The following ERG variants were observed in gnomAD, a reference collection of about 807,000 sequenced individuals.
ERG encodes ETS transcription factor ERG.
A neutral mutation model predicts 55.3 loss-of-function variants in ERG; 9 were observed. The ratio of observed to expected loss-of-function variants is 0.16; its 90% CI spans 0.10 to 0.28. The LOEUF is 0.28. Among genes scored for constraint, ERG ranks in the 10% least tolerant of loss-of-function variants. ERG has a pLI of 1.00. For missense variants in ERG, 434 were observed against 631.6 expected, an observed-to-expected ratio of 0.69 and a Z score of 3.35; for synonymous variants, 223 against 237.3, an observed-to-expected ratio of 0.94 and a Z score of 0.55.
At chr21:38,609,090 A>G (rs928567476) in intron 1 of ERG, among the ~76,000 whole-genome samples, 2 of 152,232 alleles carry the variant, frequency 1.3e-5, no homozygotes, top group African/African-American at 4.8e-5. Flanking sequence ...AGATTTTATT[A>G]GACCAGATCA....
intron 1 of ERG, among the ~76,000 whole-genome samples, chr21:38,488,213 C>G (rs895209480): frequency 6.6e-6 from 1 of 152,110 alleles, no homozygotes; most frequent in Non-Finnish European, 1.5e-5. Flanking sequence ...ATTTTCTGAT[C>G]GCCAAAGGGG....
intron 1 of ERG, among the ~76,000 whole-genome samples, chr21:38,658,001 T>C (rs1266003884): frequency 6.6e-6 from 1 of 152,234 alleles, no homozygotes; most frequent in African/African-American, 2.4e-5. Flanking sequence ...TACATCAGCC[T>C]ATTTTTCTTA....
intron 2 of ERG, among the ~76,000 whole-genome samples, chr21:38,567,684 A>C (rs1290708652): frequency 2.0e-5 from 3 of 152,234 alleles, no homozygotes; most frequent in Non-Finnish European, 4.4e-5. Flanking sequence ...ACTGTGAGAA[A>C]TGCTTACAAC....
intron 2 of ERG, among the ~76,000 whole-genome samples, chr21:38,528,608 C>T (rs1285298887): frequency 3.2e-5 from 3 of 94,770 alleles, no homozygotes; most frequent in East Asian, 4.4e-4. Context: ...CCACTACGCC[C>T]GGCTAATTTT....
chr21:38,492,270 C>T (rs971604048), intron 1 of ERG, among the ~76,000 whole-genome samples: 1 of 152,190 alleles, frequency 6.6e-6, no homozygotes, highest in South Asian at 2.1e-4. Context: ...GAGTTTAGCA[C>T]AGGACTTGGC....
chr21:38,507,526 C>CTGAATGTG (rs2059472048), intron 2 of ERG, among the ~76,000 whole-genome samples: 1 of 100,600 alleles, frequency 9.9e-6, no homozygotes, highest in African/African-American at 3.7e-5. Context: ...CAAGCACTTA[C>CTGAATGTG]TGAATGAGTG....
At chr21:38,584,343 T>C (rs1180415787) in intron 1 of ERG, among the ~76,000 whole-genome samples, 1 of 152,256 alleles carries the variant, frequency 6.6e-6, no homozygotes. Context: ...TTTTTTGGCA[T>C]GTTTTGTGAA....
intron 2 of ERG, among the ~76,000 whole-genome samples, chr21:38,505,691 T>C (rs2059455496): frequency 2.0e-5 from 3 of 152,346 alleles, no homozygotes; most frequent in South Asian, 4.1e-4. Context: ...CGCGGTTGCC[T>C]GGTGGAGATT....
At chr21:38,417,447 G>C (rs1989328475) in intron 3 of ERG, among the ~76,000 whole-genome samples, 2 of 152,164 alleles carry the variant, frequency 1.3e-5, no homozygotes, top group Non-Finnish European at 2.9e-5. Context: ...AATAGAAGCA[G>C]AGGCATTTGA....
chr21:38,429,764 C>CACAG (rs776061892), intron 2 of ERG, among the ~76,000 whole-genome samples: 6 of 149,192 alleles, frequency 4.0e-5, no homozygotes, highest in Admixed American at 4.0e-4. Flanking sequence ...CACACACACA[C>CACAG]CACATTTTCT....
intron 2 of ERG, among the ~76,000 whole-genome samples, chr21:38,508,320 G>C (rs1016606532): frequency 3.3e-5 from 5 of 151,944 alleles, no homozygotes; most frequent in Non-Finnish European, 5.9e-5. Context: ...TCTCTAAGAA[G>C]CCTCCCAAAT....
Position 38,459,559 on chromosome 21 carries a change from T to G in ERG, c.19-13938A>C, listed in dbSNP as rs74801164. Among the ~76,000 whole-genome samples, 702 of 152,330 alleles carry G rather than the reference T, an allele frequency of 4.6e-3. 6 individuals are homozygous for G. The highest frequency in any genetic ancestry group is 0.016 in the African/African-American group (679 of 41,556). ...CCTGAAGTTAACATTTCTGTACCTA[T>G]GTAGCCATTTTAATCACCCCCTAAA... On this transcript the variant is annotated intron_variant, in intron 1 of 9. Coordinates refer to ENST00000288319, the MANE Select transcript of ERG (RefSeq NM_182918.4).
At position 38,569,175 on chromosome 21, in the gene ERG, C is replaced by A. The variant is rs74363184; in HGVS notation, c.-41+6487G>T. ...TTTTGATCCCTTCTCTCCCTCCCCC[C>A]CCACCCCCAGTGGGGTACATGGAAG... On this transcript the variant is annotated intron_variant, in intron 2 of 8. Coordinates refer to the ERG transcript ENST00000398897. 2.0e-4 allele frequency among the ~76,000 whole-genome samples: 31 copies of A among 152,344 alleles called. No individual in the cohort carries two copies. The East Asian group carries it at 4.4e-3, about 22-fold the overall frequency.
intron 1 of ERG, among the ~76,000 whole-genome samples, chr21:38,458,530 C>G (rs2059011711): frequency 6.6e-6 from 1 of 152,044 alleles, no homozygotes; most frequent in African/African-American, 2.4e-5. Flanking sequence ...AATCTGATGC[C>G]AATTCAGTAT....
Position 38,462,114 on chromosome 21 carries a change from G to C in ERG, c.19-16493C>G, listed in dbSNP as rs560778895. On this transcript the variant is annotated intron_variant, in intron 1 of 9. Coordinates refer to ENST00000288319, the MANE Select transcript of ERG (RefSeq NM_182918.4). The stretch of plus-strand genomic sequence containing the variant: ...TCCTGCCTCAGCCTCCTGAGTAGCT[G>C]GGACTACAGGTACCCGCCACCACGC... 5.9e-5 allele frequency among the ~76,000 whole-genome samples: 9 copies of C among 152,238 alleles called. No individual in the cohort carries two copies. In the East Asian group the frequency reaches 1.7e-3, roughly 29 times the overall value.
chr21:38,656,549 C>A (rs1260515124), intron 1 of ERG, among the ~76,000 whole-genome samples: 1 of 152,102 alleles, frequency 6.6e-6, no homozygotes, highest in African/African-American at 2.4e-5. Context: ...TGTGCACGCT[C>A]CAATTTAGTC....
intron 1 of ERG, among the ~76,000 whole-genome samples, chr21:38,659,570 T>A (rs1188163242): frequency 3.9e-5 from 6 of 152,264 alleles, no homozygotes; most frequent in African/African-American, 1.4e-4. Context: ...GTCCTATGTA[T>A]GTCACCCAGG....
chr21:38,592,071 G>T (rs1458407156), intron 1 of ERG, among the ~76,000 whole-genome samples: 2 of 152,216 alleles, frequency 1.3e-5, no homozygotes, highest in Admixed American at 1.3e-4. Flanking sequence ...GTTCTGGCAG[G>T]AAGGTGGGAC....
At position 38,383,565 on chromosome 21, in the gene ERG, C is replaced by T; in HGVS notation, c.1278G>A (p.Gln426=). The change falls in exon 10 of 10, where the codon CAG becomes CAA. Residue 426 remains glutamine (Q), a synonymous_variant. Coordinates refer to ENST00000288319, the MANE Select transcript of ERG (RefSeq NM_182918.4). This position sits in a 1 kb window ranked among gnomAD's most constrained non-coding sequence, Gnocchi z 5.7. The part of the protein sequence containing the change: ...PYMGSYHAHP[Q]KMNFVAPHPP... The stretch of plus-strand genomic sequence containing the variant: ...GGTGGGGCGCCACAAAGTTCATCTT[C>T]TGTGGGTGGGCGTGATAGGAGCCCA... The T allele has an allele frequency of 6.3e-7, 1 of 1,599,796 alleles. No individual in the cohort carries two copies. The highest frequency in any genetic ancestry group is 8.5e-7 in the Non-Finnish European group (1 of 1,169,868).
Sources: gnomAD v4.1 joint callset for allele counts (sites outside exome capture counted in the v4.1 genomes callset) on GRCh38, gnomAD v4.1.1 for gene constraint, Gnocchi (gnomAD v3.1) non-coding constraint, MANE v1.5 for transcripts, NCBI Gene and HGNC (gene_info 2026-07-23, HGNC 2026-07-21) for gene names.